Variants in ARHGAP26 observed in about 807,000 individuals in gnomAD.
ARHGAP26 encodes the protein rho GTPase-activating protein 26.
ARHGAP26 carries 38 observed loss-of-function variants against 104.8 expected under a neutral mutation model. That is an observed-to-expected ratio of 0.36 (90% confidence interval 0.28 to 0.48). ARHGAP26 has a LOEUF of 0.48. Ranked by LOEUF, ARHGAP26 falls within the 20% of genes least tolerant of loss-of-function variation. ARHGAP26 has a pLI of 0.99. For synonymous variants in ARHGAP26, 341 were observed against 340.0 expected (o/e 1.00, Z -0.03); for missense variants, 704 against 947.9 (o/e 0.74, Z 3.38).
chr5:143,049,876 C>T lies in ARHGAP26; in HGVS notation c.1286-4563C>T, dbSNP rs189371780. On this transcript the variant is annotated intron_variant, in intron 14 of 22. Transcript: ENST00000645722. ...AATCTGAAGCATGCTGTGGTTCTTCCCTTATGACTCTCATGTTTCTTCTAC... is the reference window on the plus strand; with the variant it reads ...AATCTGAAGCATGCTGTGGTTCTTCTCTTATGACTCTCATGTTTCTTCTAC... Among the ~76,000 whole-genome samples the T allele has an allele frequency of 1.7e-4, 26 of 152,262 alleles. 1 individual carries two copies. Among genetic ancestry groups the T allele is most frequent in the African/African-American group, 6.3e-4 (26 of 41,548 alleles).
At chr5:142,816,232 A>G (rs1465561149) in intron 1 of ARHGAP26, among the ~76,000 whole-genome samples, 1 of 152,216 alleles carries the variant, frequency 6.6e-6, no homozygotes, top group African/African-American at 2.4e-5. Context: ...GGTAGGAACC[A>G]TGTCTTTTTT....
chr5:143,100,552 C>T (rs1309344782), intron 17 of ARHGAP26, among the ~76,000 whole-genome samples: 1 of 152,218 alleles, frequency 6.6e-6, no homozygotes, highest in Admixed American at 6.5e-5. Context: ...TACGGTATCA[C>T]CTCTGATTTT....
intron 11 of ARHGAP26, among the ~76,000 whole-genome samples, chr5:143,005,596 G>A (rs1349710336): frequency 6.6e-6 from 1 of 152,252 alleles, no homozygotes; most frequent in Non-Finnish European, 1.5e-5. Flanking sequence ...TTGAACAGTA[G>A]TATTCACGGG....
chr5:142,875,255 C>A, intron 3 of ARHGAP26, 84 bp downstream of exon 3: 2 of 1,297,110 alleles, frequency 1.5e-6, no homozygotes, highest in South Asian at 1.2e-5. Context: ...GAACTAGATT[C>A]AAATCCAGAC....
intron 17 of ARHGAP26, among the ~76,000 whole-genome samples, chr5:143,079,465 CCCTTTG>C (rs765154021): frequency 5.9e-5 from 9 of 152,150 alleles, no homozygotes; most frequent in South Asian, 4.1e-4. Context: ...CCAGGAAGCT[CCCTTTG>C]CCTTTTCAGA....
chr5:143,204,215 A>AT (rs1299925387), intron 20 of ARHGAP26, among the ~76,000 whole-genome samples: 1 of 152,204 alleles, frequency 6.6e-6, no homozygotes, highest in Non-Finnish European at 1.5e-5. Flanking sequence ...AAATTCTGAA[A>AT]TTCTGTTGTT....
At chr5:142,984,657 C>A (rs1249750718) in intron 11 of ARHGAP26, among the ~76,000 whole-genome samples, 1 of 152,070 alleles carries the variant, frequency 6.6e-6, no homozygotes, top group Non-Finnish European at 1.5e-5. Context: ...CAGTCAATGA[C>A]AGACCACACA....
rs1262001880 is a variant in ARHGAP26, at chr5:142,774,745, C to T, written c.154+3830C>T. Among the ~76,000 whole-genome samples, 11 of 152,168 alleles carry T rather than the reference C, an allele frequency of 7.2e-5. No homozygotes were observed. In the East Asian group the frequency reaches 2.1e-3, roughly 29 times the overall value. ...ATGTGCTCCACCTATTCATCCCTCC[C>T]TCCCCACTAACCCCGGGCAACCACT... On this transcript the variant is annotated intron_variant, in intron 1 of 22. Transcript: ENST00000645722.
At chr5:143,024,126 G>A (rs756075786) in intron 12 of ARHGAP26, among the ~76,000 whole-genome samples, 24 of 152,208 alleles carry the variant, frequency 1.6e-4, no homozygotes, top group Admixed American at 8.5e-4. Context: ...GGCTCGGAGG[G>A]CAGGGGGCTG....
At chr5:143,064,540 G>T (rs780717441) in intron 17 of ARHGAP26, among the ~76,000 whole-genome samples, 1 of 151,894 alleles carries the variant, frequency 6.6e-6, no homozygotes, top group African/African-American at 2.4e-5. Context: ...ACTAAGAATG[G>T]GATTCTCAAA....
chr5:143,166,343 G>A (rs2151095772), intron 20 of ARHGAP26, among the ~76,000 whole-genome samples: 1 of 152,308 alleles, frequency 6.6e-6, no homozygotes, highest in South Asian at 2.1e-4. Context: ...AGGCTGCTTA[G>A]GGCTTTGGGG....
intron 1 of ARHGAP26, among the ~76,000 whole-genome samples, chr5:142,795,590 G>A (rs1421299117): frequency 1.6e-4 from 24 of 152,200 alleles, no homozygotes. Context: ...TTATCCAAGT[G>A]TAGAATATGT....
At chr5:142,830,287 G>GATAGTAAT (rs1399920971) in intron 1 of ARHGAP26, among the ~76,000 whole-genome samples, 4 of 152,084 alleles carry the variant, frequency 2.6e-5, no homozygotes, top group Admixed American at 2.0e-4. Flanking sequence ...TATCAAGTAT[G>GATAGTAAT]GATTAAATAC....
intron 10 of ARHGAP26, among the ~76,000 whole-genome samples, chr5:142,918,407 G>A (rs925718005): frequency 5.6e-4 from 85 of 152,252 alleles, no homozygotes; most frequent in African/African-American, 1.9e-3. Flanking sequence ...TCGGCCTCCC[G>A]AAGTGCTGGG....
At chr5:142,947,373 C>T (rs1483725507) in intron 11 of ARHGAP26, among the ~76,000 whole-genome samples, 1 of 152,138 alleles carries the variant, frequency 6.6e-6, no homozygotes, top group Non-Finnish European at 1.5e-5. Flanking sequence ...TACTTCTTAA[C>T]TTAATCTCTT....
chr5:142,927,014 G>A (rs751162388), intron 10 of ARHGAP26, among the ~76,000 whole-genome samples: 4 of 152,102 alleles, frequency 2.6e-5, no homozygotes, highest in Non-Finnish European at 4.4e-5. Flanking sequence ...CTATGCTACT[G>A]TTCTTTAAAA....
intron 19 of ARHGAP26, among the ~76,000 whole-genome samples, chr5:143,135,383 A>G (rs1797794290): frequency 6.6e-6 from 1 of 152,178 alleles, no homozygotes; most frequent in Non-Finnish European, 1.5e-5. Context: ...AGGTATTGCC[A>G]TCATCATCAT....
At chr5:142,962,893 TCACCCAGG>T (rs1279232457) in intron 11 of ARHGAP26, among the ~76,000 whole-genome samples, 1 of 152,030 alleles carries the variant, frequency 6.6e-6, no homozygotes, top group African/African-American at 2.4e-5. Context: ...GATTATTTTG[TCACCCAGG>T]TACTAAGCCT....
chr5:142,858,061 C>CTGTGTGTGTGTGTGTGTGTG (rs746146391), intron 1 of ARHGAP26, among the ~76,000 whole-genome samples: 45 of 134,400 alleles, frequency 3.3e-4, no homozygotes, highest in Middle Eastern at 3.8e-3. Context: ...GAGAGAGAAT[C>CTGTGTGTGTGTGTGTGTGTG]TGTGTGTGTG....
Sources: gnomAD v4.1 joint callset for allele counts (sites outside exome capture counted in the v4.1 genomes callset) on GRCh38, gnomAD v4.1.1 for gene constraint, MANE v1.5 for transcripts, NCBI Gene and HGNC (gene_info 2026-07-23, HGNC 2026-07-21) for gene names.